GALNT2: variants seen among roughly 807,000 people sequenced by gnomAD.
GALNT2 encodes the protein UDP-GalNAc:polypeptide N-acetylgalactosaminyltransferase 2.
GALNT2 carries 31 observed loss-of-function variants against 81.4 expected under a neutral mutation model. The ratio of observed to expected loss-of-function variants is 0.38; its 90% confidence interval spans 0.29 to 0.51. GALNT2 has a LOEUF of 0.51. GALNT2 is among the 20% of genes least tolerant of loss of function. The pLI is 0.87. For synonymous variants in GALNT2, 303 were observed against 287.4 expected (o/e 1.05, Z -0.55); for missense variants, 629 against 765.7 (o/e 0.82, Z 2.11).
chr1:230,109,586 G>T (rs893218631), intron 1 of GALNT2, among the ~76,000 whole-genome samples: 1 of 152,164 alleles, frequency 6.6e-6, no homozygotes, highest in African/African-American at 2.4e-5. Flanking sequence ...CCAGCACTTC[G>T]GGAGGCCGAG....
chr1:230,279,726 A>C lies in GALNT2; in HGVS notation c.*268A>C, dbSNP rs1037746651. The C allele has an allele frequency of 1.9e-6, 1 of 533,626 alleles. No homozygotes were observed. The allele number at this position is 533,626 out of a possible 1,614,324, so 33.1% of individuals were successfully genotyped here. On this transcript the variant is annotated 3_prime_UTR_variant, in exon 16 of 16. Coordinates refer to ENST00000366672, the MANE Select transcript of GALNT2 (RefSeq NM_004481.5). The surrounding 1 kb of genome is among the most constrained non-coding windows in gnomAD (Gnocchi z 4.6). ...AGCGCCCCTCTTCCTTCCAGCTTTC[A>C]CTTCTGCCGGCTCCGCAACTGAGTG...
intron 14 of GALNT2, among the ~76,000 whole-genome samples, chr1:230,270,737 T>C (rs1396942141): frequency 6.6e-6 from 1 of 152,220 alleles, no homozygotes; most frequent in African/African-American, 2.4e-5. Context: ...GTGAGGTTTG[T>C]TATCTGGTTT....
chr1:230,130,052 A>G (rs748498503), intron 1 of GALNT2, among the ~76,000 whole-genome samples: 18 of 152,244 alleles, frequency 1.2e-4, no homozygotes, highest in Non-Finnish European at 2.5e-4. Context: ...GTGGAGCCCA[A>G]GTCTACCATC....
At chr1:230,192,657 A>G (rs1480244358) in intron 2 of GALNT2, among the ~76,000 whole-genome samples, 1 of 152,268 alleles carries the variant, frequency 6.6e-6, no homozygotes, top group East Asian at 1.9e-4. Flanking sequence ...TCAATTTGAT[A>G]CTGTTTTGTG....
At chr1:230,276,875 G>A (rs1386307850) in intron 15 of GALNT2, among the ~76,000 whole-genome samples, 1 of 152,156 alleles carries the variant, frequency 6.6e-6, no homozygotes, top group African/African-American at 2.4e-5. Flanking sequence ...CGAGGGCAAG[G>A]CTGGCATCTG....
At chr1:230,161,299 A>T (rs1444567573) in intron 1 of GALNT2, among the ~76,000 whole-genome samples, 1 of 152,210 alleles carries the variant, frequency 6.6e-6, no homozygotes, top group Non-Finnish European at 1.5e-5. Flanking sequence ...CCAGTAGCAT[A>T]GACCAGCTTC....
chr1:230,255,111 C>A, intron 10 of GALNT2, 107 bp from the exon 11 acceptor site: 1 of 1,523,434 alleles, frequency 6.6e-7, no homozygotes, highest in Non-Finnish European at 9.0e-7. Context: ...GCATGGGAGC[C>A]CCATGATGGG....
intron 1 of GALNT2, among the ~76,000 whole-genome samples, chr1:230,109,066 A>T (rs960225247): frequency 1.3e-5 from 2 of 152,122 alleles, no homozygotes; most frequent in African/African-American, 4.8e-5. Flanking sequence ...GGACTATCCT[A>T]CTCTTCTCTA....
At chr1:230,179,617 C>T (rs1287673023) in intron 2 of GALNT2, among the ~76,000 whole-genome samples, 1 of 152,098 alleles carries the variant, frequency 6.6e-6, no homozygotes, top group African/African-American at 2.4e-5. Context: ...GAGGTGTTCA[C>T]TCCTTTTGCG....
intron 1 of GALNT2, among the ~76,000 whole-genome samples, chr1:230,097,341 C>T (rs1317423344): frequency 6.6e-6 from 1 of 152,160 alleles, no homozygotes; most frequent in Non-Finnish European, 1.5e-5. Context: ...GTCCACCGTA[C>T]ATCCACGGAG....
chr1:230,185,261 TGTGC>T lies in GALNT2; in HGVS notation c.220+6962_220+6965del, dbSNP rs796240862. Among the ~76,000 whole-genome samples the T allele has an allele frequency of 2.0e-3, 293 of 149,994 alleles. 3 individuals are homozygous for T. Among genetic ancestry groups the T allele is most frequent in the African/African-American group, 3.9e-3 (156 of 40,452 alleles). On this transcript the variant is annotated intron_variant, in intron 2 of 15. Coordinates refer to ENST00000366672, the MANE Select transcript of GALNT2 (RefSeq NM_004481.5). The stretch of plus-strand genomic sequence containing the variant: ...TGATACTTGCTGTGTCTCTTTAAAC[TGTGC>T]GTGCGTGCGTGTGTGTGTGTGTGTG...
intron 1 of GALNT2, among the ~76,000 whole-genome samples, chr1:230,105,455 T>C (rs1558085797): frequency 6.6e-6 from 1 of 152,174 alleles, no homozygotes; most frequent in Non-Finnish European, 1.5e-5. Flanking sequence ...CTTCCATGGA[T>C]GGTGTTTCAG....
At chr1:230,231,937 G>C (rs142111909) in intron 3 of GALNT2, among the ~76,000 whole-genome samples, 1 of 152,098 alleles carries the variant, frequency 6.6e-6, no homozygotes, top group Non-Finnish European at 1.5e-5. Flanking sequence ...TGTTCCTGCC[G>C]CTGACTTCAA....
At chr1:230,099,117 T>A (rs1372081049) in intron 1 of GALNT2, among the ~76,000 whole-genome samples, 8 of 152,218 alleles carry the variant, frequency 5.3e-5, no homozygotes, top group African/African-American at 1.9e-4. Context: ...GTCTCCTCTG[T>A]TACACCAGTC....
rs188293051 is a variant in GALNT2 at position 230,072,881 on chromosome 1, C to T, written c.126+5475C>T. Among the ~76,000 whole-genome samples, 4 of 152,336 alleles carry T rather than the reference C, an allele frequency of 2.6e-5. No homozygotes were observed. The East Asian group carries it at 7.7e-4, about 29-fold the overall frequency. On this transcript the variant is annotated intron_variant, in intron 1 of 15. Transcript: ENST00000366672. ...GTGCCATAGTGAACATGCTGATTGT[C>T]ACCCCTGCAAATGTGCCACTTGGAT...
intron 11 of GALNT2, among the ~76,000 whole-genome samples, chr1:230,256,208 A>G (rs55942220): frequency 0.28 from 42,377 of 152,076 alleles, 5,934 homozygotes; most frequent in African/African-American, 0.32. Flanking sequence ...GGAGGCCGAG[A>G]TGGGCAGATC....
At chr1:230,116,587 G>A (rs1660856104) in intron 1 of GALNT2, among the ~76,000 whole-genome samples, 1 of 152,200 alleles carries the variant, frequency 6.6e-6, no homozygotes, top group Non-Finnish European at 1.5e-5. Context: ...TCCATGGGCT[G>A]CAGAATGGCT....
At chr1:230,096,580 T>A (rs574853771) in intron 1 of GALNT2, among the ~76,000 whole-genome samples, 2 of 152,324 alleles carry the variant, frequency 1.3e-5, no homozygotes, top group East Asian at 3.9e-4. Flanking sequence ...AAGTTTTTTT[T>A]TGTTGTTAAT....
At position 230,257,385 on chromosome 1, in the gene GALNT2, C is replaced by T. The variant is rs188257908; in HGVS notation, c.1136+2041C>T. Among the ~76,000 whole-genome samples the T allele has an allele frequency of 1.3e-5, 2 of 152,324 alleles. No individual in the cohort carries two copies. The highest frequency in any genetic ancestry group is 6.5e-5 in the Admixed American group (1 of 15,302). ...ATGTGATACAGTCATGCACCTGTAA[C>T]AGCGTTTCGGTCGGTGACAGTAGTC... On this transcript the variant is annotated intron_variant, in intron 11 of 15. Coordinates refer to ENST00000366672, the MANE Select transcript of GALNT2 (RefSeq NM_004481.5). This position sits in a 1 kb window ranked among gnomAD's most constrained non-coding sequence, Gnocchi z 4.6.
Sources: allele counts gnomAD v4.1 joint callset (sites outside exome capture counted in the v4.1 genomes callset), GRCh38; gene constraint gnomAD v4.1.1; non-coding constraint Gnocchi (gnomAD v3.1); transcripts MANE v1.5; gene names NCBI Gene and HGNC (gene_info 2026-07-23, HGNC 2026-07-21).